Variants in TRAPPC9 observed in about 807,000 individuals in gnomAD.
TRAPPC9 encodes IKK2 binding protein.
Under a neutral mutation model 124.0 loss-of-function variants are expected in TRAPPC9, and 83 were observed. The ratio of observed to expected loss-of-function variants is 0.67; its 90% confidence interval spans 0.56 to 0.80. The LOEUF (loss-of-function observed/expected upper bound fraction) is 0.80, where lower values mean the gene tolerates loss of function less well. Among genes scored for constraint, TRAPPC9 ranks in the 30% least tolerant of loss-of-function variants. TRAPPC9 has a pLI of 0.00. For synonymous variants in TRAPPC9, 638 were observed against 617.5 expected, an observed-to-expected ratio of 1.03 and a Z score of -0.49; for missense variants, 1,302 against 1,508.3, an observed-to-expected ratio of 0.86 and a Z score of 2.27.
rs536380774 is a variant in TRAPPC9 at position 140,053,416 on chromosome 8, G to A, written c.2557-29337C>T. 1.2e-3 allele frequency among the ~76,000 whole-genome samples: 187 copies of A among 152,310 alleles called. 2 individuals are homozygous for A. Among genetic ancestry groups the A allele is most frequent in the African/African-American group, 4.3e-3 (178 of 41,556 alleles). On this transcript the variant is annotated intron_variant, in intron 17 of 22. Coordinates refer to ENST00000438773, the MANE Select transcript of TRAPPC9 (RefSeq NM_001160372.4). ...TTTTTAGCTTTATTCTACTGGGTTG[G>A]AGAAGATACTTGGTACAATTTCAGT...
chr8:140,416,872 T>C (rs535274426), intron 5 of TRAPPC9, among the ~76,000 whole-genome samples: 1 of 152,158 alleles, frequency 6.6e-6, no homozygotes, highest in African/African-American at 2.4e-5. Context: ...AAAACAGATA[T>C]ATAGACCAAT....
At position 139,933,775 on chromosome 8, in the gene TRAPPC9, A is replaced by G. The variant is rs578104828; in HGVS notation, c.2811-23475T>C. On this transcript the variant is annotated intron_variant, in intron 19 of 22. Coordinates refer to ENST00000438773, the MANE Select transcript of TRAPPC9 (RefSeq NM_001160372.4). The stretch of plus-strand genomic sequence containing the variant: ...AATTCATACATATTTGAGATTAACC[A>G]AAGTCCATGATCAGTTCTGGACCGC... 4 of 152,370 alleles carry G rather than the reference A, an allele frequency of 2.6e-5. No homozygotes were observed. In the South Asian group the frequency reaches 6.2e-4, roughly 24 times the overall value. 9.4% of individuals were successfully genotyped at this position (152,370 alleles called of 1,614,324 possible). A position where few individuals can be genotyped will look rare whatever the true frequency, so the allele number is the denominator to read the frequency against.
Position 140,341,401 on chromosome 8 carries a change from T to A in TRAPPC9, c.1495+18649A>T, listed in dbSNP as rs541875408. Among the ~76,000 whole-genome samples the A allele has an allele frequency of 2.6e-5, 4 of 152,260 alleles. No homozygotes were observed. The South Asian group carries it at 6.2e-4, about 24-fold the overall frequency. ...GGCCTACATAGCTGCCTGTTCCCAT[T>A]CATGCCATCAATAGACTGTGACCTG... On this transcript the variant is annotated intron_variant, in intron 9 of 22. Transcript: ENST00000438773.
intron 9 of TRAPPC9, among the ~76,000 whole-genome samples, chr8:140,342,744 C>T (rs1032758744): frequency 1.3e-5 from 2 of 152,096 alleles, no homozygotes; most frequent in Non-Finnish European, 2.9e-5. Context: ...GGGAAAAACG[C>T]ATGTCAGGAA....
At chr8:140,089,210 C>T (rs1282440936) in intron 17 of TRAPPC9, among the ~76,000 whole-genome samples, 1 of 152,184 alleles carries the variant, frequency 6.6e-6, no homozygotes, top group Admixed American at 6.5e-5. Context: ...ACTGGGCAGC[C>T]CGCTTCAAAA....
intron 17 of TRAPPC9, among the ~76,000 whole-genome samples, chr8:140,075,887 T>C (rs2129911129): frequency 6.6e-6 from 1 of 152,372 alleles, no homozygotes; most frequent in East Asian, 1.9e-4. Flanking sequence ...CACTTCTGCT[T>C]AGCTGCCTTT....
chr8:139,837,704 C>T (rs1051969402), intron 21 of TRAPPC9, among the ~76,000 whole-genome samples: 1 of 152,202 alleles, frequency 6.6e-6, no homozygotes, highest in Non-Finnish European at 1.5e-5. Flanking sequence ...CGTGGCTGTC[C>T]CCTGCCATTT....
chr8:140,247,267 C>T (rs1031961300), intron 16 of TRAPPC9, among the ~76,000 whole-genome samples: 5 of 152,222 alleles, frequency 3.3e-5, no homozygotes, highest in African/African-American at 9.6e-5. Context: ...TTTGTCTAAG[C>T]CCTGTATACC....
chr8:140,256,161 T>G (rs987824202), intron 15 of TRAPPC9, among the ~76,000 whole-genome samples: 1 of 152,250 alleles, frequency 6.6e-6, no homozygotes, highest in African/African-American at 2.4e-5. Context: ...TACTGAATTC[T>G]CTGTCTGGAA....
At chr8:139,841,717 C>T (rs1033285599) in intron 21 of TRAPPC9, among the ~76,000 whole-genome samples, 5 of 152,306 alleles carry the variant, frequency 3.3e-5, no homozygotes, top group East Asian at 3.9e-4. Flanking sequence ...AGTAGGGAGC[C>T]GATGGGAGGC....
intron 19 of TRAPPC9, among the ~76,000 whole-genome samples, chr8:139,917,624 G>A (rs975025604): frequency 1.3e-5 from 2 of 152,174 alleles, no homozygotes; most frequent in Admixed American, 6.5e-5. Context: ...GGCCCACCCC[G>A]CTGCCAAGCA....
At chr8:140,426,525 C>T (rs916180953) in intron 5 of TRAPPC9, 90 bp downstream of exon 5, 59 of 1,250,102 alleles carry the variant, frequency 4.7e-5, no homozygotes, top group Non-Finnish European at 6.8e-5. Flanking sequence ...CAAAGATCAT[C>T]ATCCAGAAAT....
chr8:139,932,325 C>T (rs1407813430), intron 19 of TRAPPC9: 4 of 457,208 alleles, frequency 8.7e-6, no homozygotes, highest in Non-Finnish European at 1.8e-5. Context: ...CAGGCTTGGC[C>T]ACAGGTCCTT....
intron 21 of TRAPPC9, among the ~76,000 whole-genome samples, chr8:139,851,957 T>C (rs963101731): frequency 6.6e-6 from 1 of 152,122 alleles, no homozygotes; most frequent in Non-Finnish European, 1.5e-5. Context: ...ATGAAGGACG[T>C]CTCTGATATG....
intron 17 of TRAPPC9, among the ~76,000 whole-genome samples, chr8:140,146,171 T>C (rs1156962322): frequency 6.6e-6 from 1 of 152,270 alleles, no homozygotes; most frequent in Non-Finnish European, 1.5e-5. Flanking sequence ...ACAAAGAATT[T>C]GGAAATGTTA....
At chr8:140,382,107 A>G (rs2068626159) in intron 7 of TRAPPC9, among the ~76,000 whole-genome samples, 1 of 152,220 alleles carries the variant, frequency 6.6e-6, no homozygotes, top group Non-Finnish European at 1.5e-5. Context: ...TAAATAAAAC[A>G]TGGTATCTCC....
Position 140,439,211 on chromosome 8 carries a change from G to C in TRAPPC9, c.585-14C>G. 1 of 1,613,616 alleles carries C rather than the reference G, an allele frequency of 6.2e-7. No individual in the cohort carries two copies. Among genetic ancestry groups the C allele is most frequent in the South Asian group, 1.1e-5 (1 of 91,046 alleles). ...TTCTTGTAATGTCTAGAAAATACAT[G>C]AAAATGTATCTTTATTACTATACAA... On this transcript the variant is annotated splice_polypyrimidine_tract_variant and intron_variant, in intron 2 of 22. Transcript: ENST00000438773.
rs1327778655 is a variant in TRAPPC9, at chr8:140,155,570, G to A, written c.2556+65889C>T. On this transcript the variant is annotated intron_variant, in intron 17 of 22. Coordinates refer to ENST00000438773, the MANE Select transcript of TRAPPC9 (RefSeq NM_001160372.4). ...CGCAGATGATCACACAGGCGATCATGCAGGCTGCCTCCAACCCTCGGGCTC... is the reference window on the plus strand; with the variant it reads ...CGCAGATGATCACACAGGCGATCATACAGGCTGCCTCCAACCCTCGGGCTC... Among the ~76,000 whole-genome samples, 4 of 152,326 alleles carry A rather than the reference G, an allele frequency of 2.6e-5. No individual in the cohort carries two copies. The East Asian group carries it at 7.7e-4, about 29-fold the overall frequency.
chr8:140,395,284 G>A (rs1179683985), intron 7 of TRAPPC9, among the ~76,000 whole-genome samples: 1 of 152,142 alleles, frequency 6.6e-6, no homozygotes, highest in African/African-American at 2.4e-5. Flanking sequence ...GCTCCCTTTG[G>A]TGTGACACTG....
Sources: allele counts gnomAD v4.1 joint callset (sites outside exome capture counted in the v4.1 genomes callset), GRCh38; gene constraint gnomAD v4.1.1; transcripts MANE v1.5; gene names NCBI Gene and HGNC (gene_info 2026-07-23, HGNC 2026-07-21).